Variants in DNAJC27 observed in about 807,000 individuals in gnomAD.
DNAJC27 encodes the protein dnaJ homolog subfamily C member 27.
In DNAJC27, 25 loss-of-function variants were observed where a neutral mutation model predicts 31.4. The observed-to-expected ratio is 0.80, with a 90% confidence interval of 0.58 to 1.11. DNAJC27 has a LOEUF of 1.11. DNAJC27 is among the 50% of genes most tolerant of loss of function. The pLI is 0.00. For missense variants in DNAJC27, 356 were observed against 347.3 expected (o/e 1.02, Z -0.20); for synonymous variants, 106 against 112.7 (o/e 0.94, Z 0.37).
At chr2:24,951,646 C>T in intron 5 of DNAJC27, 92 bp from the exon 6 acceptor site, 1 of 1,133,284 alleles carries the variant, frequency 8.8e-7, no homozygotes, top group Non-Finnish European at 1.2e-6. Context: ...TTAATATATT[C>T]CAGCAACTCT....
chr2:24,962,065 A>G (rs1198429681), intron 3 of DNAJC27, among the ~76,000 whole-genome samples: 1 of 152,224 alleles, frequency 6.6e-6, no homozygotes, highest in Non-Finnish European at 1.5e-5. Flanking sequence ...TTATTTTAAG[A>G]AACTGCCACA....
chr2:24,956,944 A>G (rs1448144986), intron 5 of DNAJC27, 99 bp downstream of exon 5: 21 of 1,392,556 alleles, frequency 1.5e-5, no homozygotes, highest in Non-Finnish European at 2.1e-5. Context: ...GCTTATTCTA[A>G]TGAGAAATTC....
chr2:24,971,480 G>A, intron 1 of DNAJC27: 1 of 192,558 alleles, frequency 5.2e-6, no homozygotes, highest in Non-Finnish European at 1.1e-5. Context: ...TCCATCTCCC[G>A]GTCCCGGACG....
intron 2 of DNAJC27, among the ~76,000 whole-genome samples, chr2:24,965,128 C>A (rs1346400785): frequency 1.3e-5 from 2 of 151,716 alleles, no homozygotes; most frequent in African/African-American, 4.8e-5. Context: ...ATCGCTTAAA[C>A]CCGGGAGGCG....
chr2:24,967,208 T>A lies in DNAJC27; in HGVS notation c.170+3A>T. The A allele has an allele frequency of 6.2e-6, 10 of 1,610,348 alleles. No homozygotes were observed. The highest frequency in any genetic ancestry group is 8.5e-6 in the Non-Finnish European group (10 of 1,176,812). On this transcript the variant is annotated splice_donor_region_variant and intron_variant, in intron 2 of 6. Transcript: ENST00000264711. Reference sequence around the variant, plus strand: ...TACAAACCCAGGGAAACAATATACTTACTTTGTGACTCCATAGTCAATTCC... The same window carrying A: ...TACAAACCCAGGGAAACAATATACTAACTTTGTGACTCCATAGTCAATTCC...
At chr2:24,952,489 ACT>A (rs1428647551) in intron 5 of DNAJC27, among the ~76,000 whole-genome samples, 2 of 151,982 alleles carry the variant, frequency 1.3e-5, no homozygotes, top group Non-Finnish European at 2.9e-5. Context: ...TGTGTAACCA[ACT>A]CTCTATTCTT....
At chr2:24,971,982 A>T, upstream of DNAJC27, 1 of 1,050,110 alleles carries the variant, frequency 9.5e-7, no homozygotes, top group East Asian at 3.2e-5. Flanking sequence ...CTCCTCGTCC[A>T]ATGGCGGAGC....
chr2:24,949,380 G>A (rs1665714306), intron 6 of DNAJC27, among the ~76,000 whole-genome samples: 1 of 152,180 alleles, frequency 6.6e-6, no homozygotes, highest in South Asian at 2.1e-4. Context: ...TGTCCACATG[G>A]GGTCAGTAGT....
At chr2:24,971,620 G>A (rs922472656) in intron 1 of DNAJC27, 198 bp downstream of exon 1, 2 of 492,098 alleles carry the variant, frequency 4.1e-6, no homozygotes, top group African/African-American at 2.0e-5. Flanking sequence ...GAGTGACGTC[G>A]GAGGACGAGG....
intron 3 of DNAJC27, among the ~76,000 whole-genome samples, chr2:24,960,752 C>T (rs1015425502): frequency 2.6e-5 from 4 of 152,208 alleles, no homozygotes; most frequent in Admixed American, 2.6e-4. Context: ...CTCTAACTCT[C>T]TTCATTTCCA....
chr2:24,958,896 C>T (rs1665975006), intron 3 of DNAJC27, among the ~76,000 whole-genome samples: 2 of 152,192 alleles, frequency 1.3e-5, no homozygotes, highest in Admixed American at 1.3e-4. Flanking sequence ...ATTATATGTT[C>T]TTTTCACAAA....
chr2:24,958,097 G>T, intron 3 of DNAJC27, 123 bp from the exon 4 acceptor site: 1 of 839,316 alleles, frequency 1.2e-6, no homozygotes, highest in Non-Finnish European at 1.8e-6. Context: ...TATTGTATCT[G>T]TTTCTACTGG....
intron 2 of DNAJC27, 58 bp downstream of exon 2, chr2:24,967,153 T>C: frequency 7.4e-7 from 1 of 1,351,480 alleles, no homozygotes; most frequent in Non-Finnish European, 1.1e-6. Context: ...ATATGGATCA[T>C]TTTGGAAAGT....
At chr2:24,963,099 T>C (rs1288838493) in intron 3 of DNAJC27, 7 of 293,186 alleles carry the variant, frequency 2.4e-5, no homozygotes, top group Non-Finnish European at 3.8e-5. Flanking sequence ...AGCATAAATG[T>C]AATTATTTTT....
chr2:24,947,508 T>A lies in DNAJC27; in HGVS notation c.*108A>T. 1 of 1,332,810 alleles carries A rather than the reference T, an allele frequency of 7.5e-7. No homozygotes were observed. The highest frequency in any genetic ancestry group is 1.5e-5 in the South Asian group (1 of 67,856). 82.6% of individuals were successfully genotyped at this position (1,332,810 alleles called of 1,614,324 possible). ...TGATATACAAATGACAACACATGAA[T>A]GAAAAGAGCAGTGAGATTCTGGGAA... On this transcript the variant is annotated 3_prime_UTR_variant, in exon 7 of 7. Coordinates refer to ENST00000264711, the MANE Select transcript of DNAJC27 (RefSeq NM_016544.3).
intron 6 of DNAJC27, among the ~76,000 whole-genome samples, chr2:24,950,715 C>T (rs568683643): frequency 5.1e-4 from 77 of 152,054 alleles, no homozygotes; most frequent in African/African-American, 1.5e-3. Flanking sequence ...GGCGTGGTGG[C>T]GTGTGCCTGT....
rs1360917496 is a variant in DNAJC27 at position 24,946,559 on chromosome 2, G to GT, written c.*1056dup. The GT allele has an allele frequency of 6.6e-6, 1 of 152,302 alleles. No homozygotes were observed. Among genetic ancestry groups the GT allele is most frequent in the Non-Finnish European group, 1.5e-5 (1 of 68,078 alleles). The allele number at this position is 152,302 out of a possible 1,614,324, so 9.4% of individuals were successfully genotyped here. A position where few individuals can be genotyped will look rare whatever the true frequency, so the allele number is the denominator to read the frequency against. On this transcript the variant is annotated 3_prime_UTR_variant, in exon 7 of 7. Transcript: ENST00000264711. ...CACCTGCCTGTGGCAAAGGCTGGCAGTAAGACAAGGGCTAAGCCTCATAAG... is the reference window on the plus strand; with the variant it reads ...CACCTGCCTGTGGCAAAGGCTGGCAGTTAAGACAAGGGCTAAGCCTCATAAG...
chr2:24,968,265 C>T (rs186834465), intron 1 of DNAJC27, among the ~76,000 whole-genome samples: 6 of 152,092 alleles, frequency 3.9e-5, no homozygotes, highest in Non-Finnish European at 7.4e-5. Flanking sequence ...ATATTCCCTC[C>T]ATTTCATTGC....
At chr2:24,952,585 C>T (rs1264860074) in intron 5 of DNAJC27, among the ~76,000 whole-genome samples, 1 of 152,064 alleles carries the variant, frequency 6.6e-6, no homozygotes, top group East Asian at 1.9e-4. Context: ...TCTCAGTACA[C>T]TTGTGGGGAT....
Sources: allele counts gnomAD v4.1 joint callset (sites outside exome capture counted in the v4.1 genomes callset), GRCh38; gene constraint gnomAD v4.1.1; transcripts MANE v1.5; gene names NCBI Gene and HGNC (gene_info 2026-07-23, HGNC 2026-07-21).